The following RYR2 variants were observed in gnomAD, a reference collection of about 807,000 sequenced individuals.
RYR2 encodes the protein cardiac muscle ryanodine receptor-calcium release channel.
A neutral mutation model predicts 601.1 loss-of-function variants in RYR2; 227 were observed. The ratio of observed to expected loss-of-function variants is 0.38; its 90% CI spans 0.34 to 0.42. RYR2 has a LOEUF of 0.42. Among genes scored for constraint, RYR2 ranks in the 10% least tolerant of loss-of-function variants. The probability of loss-of-function intolerance (pLI) is 1.00; values close to 1 mark genes in which losing one functional copy is unlikely to be tolerated. For missense variants in RYR2, 4,646 were observed against 6,156.5 expected (o/e 0.75, Z 8.21); for synonymous variants, 2,223 against 2,175.1 (o/e 1.02, Z -0.61).
At chr1:237,272,290 CGA>C in intron 2 of RYR2, among the ~76,000 whole-genome samples, 1 of 150,224 alleles carries the variant, frequency 6.7e-6, no homozygotes, top group Non-Finnish European at 1.5e-5. Context: ...ATTGCAGGGG[CGA>C]TAGAGGCAAA....
chr1:237,292,661 G>A (rs764013859), intron 2 of RYR2, among the ~76,000 whole-genome samples: 1 of 152,184 alleles, frequency 6.6e-6, no homozygotes, highest in Non-Finnish European at 1.5e-5. Flanking sequence ...AGTTTTTGAT[G>A]CTGTGAATAA....
intron 100 of RYR2, among the ~76,000 whole-genome samples, chr1:237,814,536 T>G (rs1392263141): frequency 6.7e-6 from 1 of 148,698 alleles, no homozygotes; most frequent in Non-Finnish European, 1.5e-5. Flanking sequence ...TGCAGTGTTA[T>G]AGACAAGTCA....
At chr1:237,307,018 G>A (rs992388831) in intron 2 of RYR2, among the ~76,000 whole-genome samples, 1 of 152,124 alleles carries the variant, frequency 6.6e-6, no homozygotes, top group African/African-American at 2.4e-5. Context: ...TAAGAAAACT[G>A]TAATACCTCG....
At chr1:237,655,789 A>T in intron 52 of RYR2, 32 bp from the exon 53 acceptor site, 1 of 1,548,856 alleles carries the variant, frequency 6.5e-7, no homozygotes, top group South Asian at 1.2e-5. Context: ...GCCATATAGT[A>T]ATTTTTTTTT....
chr1:237,390,771 C>G (rs773667987), intron 10 of RYR2, among the ~76,000 whole-genome samples: 3 of 152,092 alleles, frequency 2.0e-5, no homozygotes, highest in Non-Finnish European at 4.4e-5. Flanking sequence ...TGAAGCCTGC[C>G]CCTCCTTTCC....
chr1:237,200,996 T>A (rs1558414311), intron 1 of RYR2, among the ~76,000 whole-genome samples: 1 of 152,218 alleles, frequency 6.6e-6, no homozygotes, highest in Non-Finnish European at 1.5e-5. Flanking sequence ...GAGTAATCAA[T>A]GTAGGGTTCC....
intron 11 of RYR2, among the ~76,000 whole-genome samples, chr1:237,419,259 C>CT (rs1217254118): frequency 2.0e-5 from 3 of 151,548 alleles, no homozygotes; most frequent in Non-Finnish European, 4.4e-5. Flanking sequence ...AAATATTTAT[C>CT]TTTTTTGTAG....
At chr1:237,612,367 TC>T (rs1041938482) in intron 36 of RYR2, among the ~76,000 whole-genome samples, 12 of 152,166 alleles carry the variant, frequency 7.9e-5, no homozygotes, top group African/African-American at 2.9e-4. Flanking sequence ...GTTACACAAC[TC>T]CATTAATATA....
Position 237,832,986 on chromosome 1 carries a change from G to T in RYR2, c.*339G>T. On this transcript the variant is annotated 3_prime_UTR_variant, in exon 105 of 105. Transcript: ENST00000366574. ...AGCTACGAGACCTTCACAGAGACAC[G>T]TGGCAGCCACACTCACCCAGCCTCT... 2.2e-5 allele frequency: 4 copies of T among 178,214 alleles called. No individual in the cohort carries two copies. Among genetic ancestry groups the T allele is most frequent in the South Asian group, 3.0e-4 (2 of 6,722 alleles). The allele number at this position is 178,214 out of a possible 1,614,324, so 11.0% of individuals were successfully genotyped here. A position where few individuals can be genotyped will look rare whatever the true frequency, so the allele number is the denominator to read the frequency against.
intron 68 of RYR2, among the ~76,000 whole-genome samples, chr1:237,708,458 G>T (rs1042414255): frequency 4.6e-5 from 7 of 152,308 alleles, no homozygotes; most frequent in Middle Eastern, 3.4e-3. Context: ...CAAGGATGGG[G>T]ATAGTTAAAA....
chr1:237,820,412 C>G (rs1662346864), intron 101 of RYR2, among the ~76,000 whole-genome samples: 1 of 152,072 alleles, frequency 6.6e-6, no homozygotes, highest in Non-Finnish European at 1.5e-5. Context: ...ACCCAGGAAG[C>G]ACAAGGGGTT....
intron 39 of RYR2, among the ~76,000 whole-genome samples, chr1:237,624,956 ATAC>A (rs928709563): frequency 1.2e-3 from 171 of 145,912 alleles, no homozygotes; most frequent in African/African-American, 4.3e-3. Flanking sequence ...CCAGAAAATT[ATAC>A]TACATGTGTG....
chr1:237,771,760 T>C (rs750208165), intron 85 of RYR2, among the ~76,000 whole-genome samples: 48 of 152,168 alleles, frequency 3.2e-4, no homozygotes, highest in Non-Finnish European at 6.2e-4. Context: ...GAACTAGGAA[T>C]GAAGAAACTG....
chr1:237,466,240 A>C (rs1354800266), intron 16 of RYR2, among the ~76,000 whole-genome samples: 1 of 152,160 alleles, frequency 6.6e-6, no homozygotes, highest in African/African-American at 2.4e-5. Context: ...ATCATGGCTC[A>C]TGGTAGCCTT....
chr1:237,445,690 T>C (rs755775252), intron 14 of RYR2, among the ~76,000 whole-genome samples, 168 bp downstream of exon 14: 5 of 152,226 alleles, frequency 3.3e-5, no homozygotes, highest in Non-Finnish European at 5.9e-5. Flanking sequence ...AATGTCTTTC[T>C]TTTAAATAAA....
At chr1:237,795,827 T>TGA in intron 96 of RYR2, among the ~76,000 whole-genome samples, 1 of 85,692 alleles carries the variant, frequency 1.2e-5, no homozygotes, top group Middle Eastern at 5.2e-3. Context: ...GGTATGTATG[T>TGA]GTGTGTGTGT....
intron 3 of RYR2, among the ~76,000 whole-genome samples, chr1:237,352,418 T>A (rs536431238): frequency 6.6e-6 from 1 of 151,786 alleles, no homozygotes; most frequent in Non-Finnish European, 1.5e-5. Flanking sequence ...ACACAGAAAA[T>A]TGAGAAACAT....
At chr1:237,519,549 T>A (rs769220131) in intron 24 of RYR2, among the ~76,000 whole-genome samples, 6 of 152,194 alleles carry the variant, frequency 3.9e-5, no homozygotes, top group Non-Finnish European at 7.3e-5. Context: ...CTTTCTCCAA[T>A]GTATGCTCTT....
At chr1:237,511,843 A>G in intron 24 of RYR2, 52 bp downstream of exon 24, 1 of 949,464 alleles carries the variant, frequency 1.1e-6, no homozygotes, top group Non-Finnish European at 1.4e-6. Flanking sequence ...TGAAAAAAAA[A>G]AAAAAAAAAA....
Sources: gnomAD v4.1 joint callset for allele counts (sites outside exome capture counted in the v4.1 genomes callset) on GRCh38, gnomAD v4.1.1 for gene constraint, MANE v1.5 for transcripts, NCBI Gene and HGNC (gene_info 2026-07-23, HGNC 2026-07-21) for gene names.